The following GRM1 variants were observed in gnomAD, a reference collection of about 807,000 sequenced individuals.
GRM1 encodes glutamate metabotropic receptor 1.
Under a neutral mutation model 90.9 loss-of-function variants are expected in GRM1, and 33 were observed. The ratio of observed to expected loss-of-function variants is 0.36; its 90% CI spans 0.28 to 0.49. GRM1 has a LOEUF of 0.49. Ranked by LOEUF, GRM1 falls within the 20% of genes least tolerant of loss-of-function variation. GRM1 has a pLI of 0.99. For synonymous variants in GRM1, 700 were observed against 613.2 expected, an observed-to-expected ratio of 1.14 and a Z score of -2.09; for missense variants, 1,190 against 1,534.3, an observed-to-expected ratio of 0.78 and a Z score of 3.75.
intron 3 of GRM1, among the ~76,000 whole-genome samples, chr6:146,312,114 G>A (rs1783792534): frequency 6.6e-6 from 1 of 151,886 alleles, no homozygotes; most frequent in Non-Finnish European, 1.5e-5. Context: ...GGCCGAGGTG[G>A]GCGGATCAAG....
At position 146,392,711 on chromosome 6, in the gene GRM1, G is replaced by A. The variant is rs117224206; in HGVS notation, c.1729+5695G>A. On this transcript the variant is annotated intron_variant, in intron 6 of 7. Transcript: ENST00000282753. ...GCCCCACACTCCCTGACAGTCTCTG[G>A]CGTATGATGTTCCCCTCGCTATGCC... 9.2e-5 allele frequency among the ~76,000 whole-genome samples: 14 copies of A among 152,116 alleles called. No homozygotes were observed. In the East Asian group the frequency reaches 2.7e-3, roughly 29 times the overall value.
chr6:146,137,876 G>A (rs571357336), intron 1 of GRM1, among the ~76,000 whole-genome samples: 6 of 151,962 alleles, frequency 3.9e-5, no homozygotes, highest in Middle Eastern at 3.4e-3. Context: ...TCACTTCTTC[G>A]GTTAAGTTAA....
At position 146,425,294 on chromosome 6, in the gene GRM1, A is replaced by G. The variant is rs1190857288; in HGVS notation, c.2661-8578A>G. On this transcript the variant is annotated intron_variant, in intron 7 of 7. Transcript: ENST00000282753. ...AGGTAGTGAACATCTGTTCCAGAGTATTCTTGTTTAAAATTTAAAACTCAC... is the reference window on the plus strand; with the variant it reads ...AGGTAGTGAACATCTGTTCCAGAGTGTTCTTGTTTAAAATTTAAAACTCAC... Among the ~76,000 whole-genome samples the G allele has an allele frequency of 2.6e-5, 4 of 152,296 alleles. No individual in the cohort carries two copies. The East Asian group carries it at 7.7e-4, about 29-fold the overall frequency.
Position 146,029,235 on chromosome 6 carries a change from C to T in GRM1, c.-283C>T. The T allele has an allele frequency of 1.2e-5, 6 of 500,552 alleles. No individual in the cohort carries two copies. The highest frequency in any genetic ancestry group is 5.6e-4 in the Middle Eastern group (1 of 1,772). The allele number at this position is 500,552 out of a possible 1,614,324, so 31.0% of individuals were successfully genotyped here. On this transcript the variant is annotated 5_prime_UTR_variant, in exon 1 of 8. Coordinates refer to ENST00000282753, the MANE Select transcript of GRM1 (RefSeq NM_001278064.2). ...CGCTGCCAACACGACTTCCACTGTA[C>T]TCTTGATCAATTTACCTTGATGCAC... is the stretch of plus-strand genomic sequence containing the variant.
chr6:146,114,866 A>C (rs1003629864), intron 1 of GRM1, among the ~76,000 whole-genome samples: 9 of 152,120 alleles, frequency 5.9e-5, no homozygotes, highest in African/African-American at 2.2e-4. Context: ...AAAATACACA[A>C]ATAATAAGAA....
intron 1 of GRM1, among the ~76,000 whole-genome samples, chr6:146,156,959 T>C (rs1253114827): frequency 2.0e-5 from 3 of 152,220 alleles, no homozygotes; most frequent in African/African-American, 7.2e-5. Context: ...TTATTTCAAA[T>C]ATGTTAAAGT....
At chr6:146,146,797 C>G (rs1202526212) in intron 1 of GRM1, among the ~76,000 whole-genome samples, 2 of 152,176 alleles carry the variant, frequency 1.3e-5, no homozygotes, top group Non-Finnish European at 2.9e-5. Context: ...ACAAGATGCT[C>G]ACCATAGACC....
At chr6:146,384,454 C>G (rs1776427923) in intron 5 of GRM1, among the ~76,000 whole-genome samples, 1 of 152,086 alleles carries the variant, frequency 6.6e-6, no homozygotes, top group African/African-American at 2.4e-5. Context: ...CTATTCTAGA[C>G]TTGCTCTAAT....
chr6:146,318,505 T>C (rs1784059536), intron 3 of GRM1, among the ~76,000 whole-genome samples: 1 of 152,200 alleles, frequency 6.6e-6, no homozygotes, highest in African/African-American at 2.4e-5. Context: ...TTATAATCCT[T>C]TGGGTATATA....
rs758693677 is a variant in GRM1 at position 146,399,679 on chromosome 6, G to C, written c.2640G>C (p.Lys880Asn). 21 of 1,611,790 alleles carry C rather than the reference G, an allele frequency of 1.3e-5. No individual in the cohort carries two copies. The South Asian group carries it at 2.1e-4, about 16-fold the overall frequency. Residue 880 changes from lysine to asparagine, a missense_variant, in exon 7 of 8, where the codon AAG becomes AAC. Physicochemically the swap from Lys to Asn is moderately conservative, Grantham distance 94. This residue lies in a region of GRM1 where 400 missense variants were observed against 360.8 expected (regional missense o/e 1.11). Transcript: ENST00000282753. The surrounding 1 kb of genome is among the most constrained non-coding windows in gnomAD (Gnocchi z 5.4). ...NTFLNIFRRK[K>N]AGAGNANSNG... Reference sequence around the variant, plus strand: ...TCCTCAACATCTTCCGAAGAAAGAAGGCAGGGGCAGGGAATGCCAAGTGAG... The same window carrying C: ...TCCTCAACATCTTCCGAAGAAAGAACGCAGGGGCAGGGAATGCCAAGTGAG...
chr6:146,432,335 A>G (rs1778443554), intron 7 of GRM1, among the ~76,000 whole-genome samples: 1 of 152,182 alleles, frequency 6.6e-6, no homozygotes, highest in African/African-American at 2.4e-5. Flanking sequence ...TCAATATCAG[A>G]CATTTACACT....
chr6:146,188,691 C>T (rs756328376), intron 2 of GRM1, among the ~76,000 whole-genome samples: 93 of 152,136 alleles, frequency 6.1e-4, no homozygotes, highest in South Asian at 1.2e-3. Context: ...TGAATGCTGA[C>T]GAAACGTTTG....
intron 6 of GRM1, among the ~76,000 whole-genome samples, chr6:146,395,375 A>C (rs942778296): frequency 7.1e-6 from 1 of 140,358 alleles, no homozygotes; most frequent in Non-Finnish European, 1.5e-5. Context: ...AAAGTTTCCT[A>C]AAGTTTTTTC....
intron 2 of GRM1, among the ~76,000 whole-genome samples, chr6:146,170,675 T>C (rs1280412607): frequency 1.3e-5 from 2 of 152,264 alleles, no homozygotes; most frequent in Non-Finnish European, 1.5e-5. Flanking sequence ...ACTGTCATTA[T>C]ATCCTTTTTT....
At chr6:146,291,596 G>C (rs1019438866) in intron 2 of GRM1, among the ~76,000 whole-genome samples, 5 of 151,816 alleles carry the variant, frequency 3.3e-5, no homozygotes, top group Admixed American at 3.3e-4. Flanking sequence ...GGAAGTGAAA[G>C]ACTTTTTCAC....
chr6:146,057,726 C>T (rs1562434702), intron 1 of GRM1, among the ~76,000 whole-genome samples: 1 of 151,920 alleles, frequency 6.6e-6, no homozygotes, highest in Non-Finnish European at 1.5e-5. Context: ...CATTTTAAAC[C>T]ATGTCTTATT....
rs906465059 is a variant in GRM1 at position 146,065,855 on chromosome 6, A to G, written c.700+35638A>G. On this transcript the variant is annotated intron_variant, in intron 1 of 7. Coordinates refer to ENST00000282753, the MANE Select transcript of GRM1 (RefSeq NM_001278064.2). ...TGTCATTTTCATTAGCAGAAGTACT[A>G]TTTTGCAAAAGAGATGTTAGTCATG... Among the ~76,000 whole-genome samples the G allele has an allele frequency of 3.3e-5, 5 of 152,140 alleles. 1 individual carries two copies. Among genetic ancestry groups the G allele is most frequent in the African/African-American group, 7.2e-5 (3 of 41,440 alleles).
chr6:146,051,956 C>A (rs1775307051), intron 1 of GRM1, among the ~76,000 whole-genome samples: 1 of 152,042 alleles, frequency 6.6e-6, no homozygotes, highest in South Asian at 2.1e-4. Flanking sequence ...TCAACAAGAT[C>A]ATAAGGCTGA....
At chr6:146,207,789 G>A (rs1217143243) in intron 2 of GRM1, among the ~76,000 whole-genome samples, 2 of 152,136 alleles carry the variant, frequency 1.3e-5, no homozygotes, top group Admixed American at 6.6e-5. Flanking sequence ...CCTAAACTTA[G>A]TGACTAGTTA....
Sources: gnomAD v4.1 joint callset for allele counts (sites outside exome capture counted in the v4.1 genomes callset) on GRCh38, gnomAD v4.1.1 for gene constraint, gnomAD v4.1.1 regional missense constraint, Gnocchi (gnomAD v3.1) non-coding constraint, MANE v1.5 for transcripts, NCBI Gene and HGNC (gene_info 2026-07-23, HGNC 2026-07-21) for gene names.